Variants in MCTP1 observed in about 807,000 individuals in gnomAD.
MCTP1 encodes multiple C2 and transmembrane domain containing 1.
MCTP1 carries 69 observed loss-of-function variants against 120.6 expected under a neutral mutation model. That is an observed-to-expected ratio of 0.57 (90% confidence interval 0.47 to 0.70). The LOEUF is 0.70. Ranked by LOEUF, MCTP1 falls within the 30% of genes least tolerant of loss-of-function variation. The pLI is 0.00. For synonymous variants in MCTP1, 529 were observed against 493.1 expected (o/e 1.07, Z -0.96); for missense variants, 1,203 against 1,248.8 (o/e 0.96, Z 0.55).
chr5:94,920,488 A>G (rs1811299282), intron 7 of MCTP1, among the ~76,000 whole-genome samples: 1 of 152,040 alleles, frequency 6.6e-6, no homozygotes, highest in East Asian at 1.9e-4. Context: ...CACGCCTGTA[A>G]TCCCAGCACT....
intron 1 of MCTP1, among the ~76,000 whole-genome samples, chr5:95,243,963 T>A (rs1023315682): frequency 6.6e-6 from 1 of 152,188 alleles, no homozygotes; most frequent in African/African-American, 2.4e-5. Context: ...GCCTCGCCTT[T>A]CACATATTGA....
intron 1 of MCTP1, among the ~76,000 whole-genome samples, chr5:95,184,909 A>C (rs1445084676): frequency 6.6e-6 from 1 of 152,088 alleles, no homozygotes; most frequent in Non-Finnish European, 1.5e-5. Context: ...TTCCATCTCC[A>C]ACCTGACCAA....
intron 1 of MCTP1, among the ~76,000 whole-genome samples, chr5:95,043,595 C>A (rs1842698950): frequency 6.6e-6 from 1 of 152,046 alleles, no homozygotes; most frequent in Non-Finnish European, 1.5e-5. Context: ...AAACTCACAC[C>A]TTTAACATTG....
chr5:94,927,644 A>G (rs967652458), intron 6 of MCTP1, among the ~76,000 whole-genome samples: 1 of 152,048 alleles, frequency 6.6e-6, no homozygotes, highest in Non-Finnish European at 1.5e-5. Flanking sequence ...TTTTTTCATC[A>G]TGTCTAGCTG....
chr5:95,237,460 T>C (rs1755676423), intron 1 of MCTP1, among the ~76,000 whole-genome samples: 1 of 152,192 alleles, frequency 6.6e-6, no homozygotes, highest in Non-Finnish European at 1.5e-5. Flanking sequence ...CATTAAGAAC[T>C]GCTTCAGTTC....
intron 1 of MCTP1, among the ~76,000 whole-genome samples, chr5:95,212,310 C>T (rs1752481227): frequency 2.0e-5 from 3 of 152,064 alleles, no homozygotes; most frequent in Admixed American, 6.6e-5. Flanking sequence ...AAGACTAAAC[C>T]AGGAGGAAAT....
Position 94,845,823 on chromosome 5 carries a change from A to T in MCTP1, c.2436+22510T>A, listed in dbSNP as rs529734904. Among the ~76,000 whole-genome samples, 19 of 152,306 alleles carry T rather than the reference A, an allele frequency of 1.2e-4. No homozygotes were observed. The Middle Eastern group carries it at 0.014, about 109-fold the overall frequency. ...CTCCTTGGCCTTCCAAAGTGCTGGCATTTCAGGGGTGAGCACCACACCCAG... is the reference window on the plus strand; with the variant it reads ...CTCCTTGGCCTTCCAAAGTGCTGGCTTTTCAGGGGTGAGCACCACACCCAG... On this transcript the variant is annotated intron_variant, in intron 17 of 22. Coordinates refer to ENST00000515393, the MANE Select transcript of MCTP1 (RefSeq NM_024717.7).
chr5:95,088,056 A>T (rs1755566344), intron 1 of MCTP1, among the ~76,000 whole-genome samples: 2 of 152,200 alleles, frequency 1.3e-5, no homozygotes, highest in Non-Finnish European at 1.5e-5. Context: ...TTCTCATTCT[A>T]AATGGAAACA....
At chr5:95,030,991 T>A (rs762863786) in intron 1 of MCTP1, among the ~76,000 whole-genome samples, 55 of 150,582 alleles carry the variant, frequency 3.7e-4, no homozygotes, top group South Asian at 1.5e-3. Context: ...ATAGAAAAGT[T>A]CACTAAAAAC....
intron 1 of MCTP1, among the ~76,000 whole-genome samples, chr5:95,100,306 CATG>C (rs1201703022): frequency 1.3e-5 from 2 of 152,002 alleles, no homozygotes; most frequent in African/African-American, 4.8e-5. Flanking sequence ...ATATTTGCTT[CATG>C]ATATTTTGTT....
At chr5:94,912,638 T>C (rs1341228792) in intron 9 of MCTP1, among the ~76,000 whole-genome samples, 168 bp downstream of exon 9, 1 of 152,074 alleles carries the variant, frequency 6.6e-6, no homozygotes, top group Non-Finnish European at 1.5e-5. Context: ...ACCTAGTACA[T>C]AAATTTAAAA....
intron 1 of MCTP1, among the ~76,000 whole-genome samples, chr5:95,258,024 G>T (rs1162434484): frequency 1.3e-5 from 2 of 152,180 alleles, no homozygotes; most frequent in Admixed American, 6.6e-5. Flanking sequence ...ACAACTCTGT[G>T]CTGAATTCCA....
At chr5:95,193,406 G>A (rs187009597) in intron 1 of MCTP1, among the ~76,000 whole-genome samples, 6 of 152,064 alleles carry the variant, frequency 3.9e-5, no homozygotes, top group Non-Finnish European at 7.4e-5. Context: ...TCTCATTCAA[G>A]CTTCATCATT....
intron 12 of MCTP1, among the ~76,000 whole-genome samples, chr5:94,887,079 T>C (rs1031798122): frequency 1.3e-5 from 2 of 152,152 alleles, no homozygotes; most frequent in Non-Finnish European, 2.9e-5. Context: ...TCAACATCTC[T>C]CTTGTTCAAT....
intron 1 of MCTP1, among the ~76,000 whole-genome samples, chr5:95,182,164 A>G (rs1454528930): frequency 2.6e-5 from 4 of 152,250 alleles, no homozygotes; most frequent in Non-Finnish European, 1.5e-5. Flanking sequence ...ACAGCTATCA[A>G]CACACATGAG....
intron 8 of MCTP1, among the ~76,000 whole-genome samples, chr5:94,915,423 A>G (rs1401263846): frequency 6.6e-6 from 1 of 152,214 alleles, no homozygotes; most frequent in Non-Finnish European, 1.5e-5. Context: ...CACATGGCTA[A>G]TTCATGAAAT....
chr5:95,267,493 G>A (rs1319781385), intron 1 of MCTP1, among the ~76,000 whole-genome samples: 1 of 152,110 alleles, frequency 6.6e-6, no homozygotes, highest in Non-Finnish European at 1.5e-5. Context: ...GCAATGAAAT[G>A]GCATGTTTTT....
chr5:94,742,771 GTC>G (rs1765814887), intron 19 of MCTP1, among the ~76,000 whole-genome samples: 1 of 152,050 alleles, frequency 6.6e-6, no homozygotes, highest in South Asian at 2.1e-4. Context: ...AGGAAGTAAA[GTC>G]TATGTTCCTT....
intron 1 of MCTP1, among the ~76,000 whole-genome samples, chr5:95,226,859 CAAG>C (rs1376775070): frequency 1.3e-5 from 2 of 151,922 alleles, no homozygotes; most frequent in African/African-American, 4.8e-5. Flanking sequence ...CACATGAGGT[CAAG>C]AAAGAACCCT....
Sources: allele counts gnomAD v4.1 joint callset (sites outside exome capture counted in the v4.1 genomes callset), GRCh38; gene constraint gnomAD v4.1.1; transcripts MANE v1.5; gene names NCBI Gene and HGNC (gene_info 2026-07-23, HGNC 2026-07-21).